Variants in PMEPA1 observed in about 807,000 individuals in gnomAD.
PMEPA1 encodes protein TMEPAI.
Under a neutral mutation model 23.0 loss-of-function variants are expected in PMEPA1, and 11 were observed. The ratio of observed to expected loss-of-function variants is 0.48; its 90% CI spans 0.30 to 0.79. PMEPA1 has a LOEUF of 0.79. Ranked by LOEUF, PMEPA1 falls within the 30% of genes least tolerant of loss-of-function variation. PMEPA1 has a pLI of 0.06. For missense variants in PMEPA1, 377 were observed against 390.9 expected, an observed-to-expected ratio of 0.96 and a Z score of 0.30; for synonymous variants, 204 against 166.4, an observed-to-expected ratio of 1.23 and a Z score of -1.74.
At chr20:57,653,402 G>A (rs2071282012) in intron 2 of PMEPA1, among the ~76,000 whole-genome samples, 1 of 152,162 alleles carries the variant, frequency 6.6e-6, no homozygotes, top group Admixed American at 6.5e-5. Flanking sequence ...GGCCTCAGTG[G>A]CTTCTCACCA....
At position 57,652,820 on chromosome 20, in the gene PMEPA1, G is replaced by GCGT. The variant is rs1476610978; in HGVS notation, c.318+210_318+212dup. On this transcript the variant is annotated intron_variant, in intron 3 of 3. Transcript: ENST00000341744. This position sits in a 1 kb window ranked among gnomAD's most constrained non-coding sequence, Gnocchi z 6.1. ...CACCGCCCTCCTCCAAACAGTGGCA[G>GCGT]CGTCCGTGCTCCCGTGTGCAGAGAG... is the stretch of plus-strand genomic sequence containing the variant. Among the ~76,000 whole-genome samples, 2 of 152,194 alleles carry GCGT rather than the reference G, an allele frequency of 1.3e-5. No individual in the cohort carries two copies. Among genetic ancestry groups the GCGT allele is most frequent in the East Asian group, 3.9e-4 (2 of 5,182 alleles).
At position 57,661,640 on chromosome 20, in the gene PMEPA1, C is replaced by A. The variant is rs187228546; in HGVS notation, c.110-1943G>T. Among the ~76,000 whole-genome samples, 23 of 152,274 alleles carry A rather than the reference C, an allele frequency of 1.5e-4. No individual in the cohort carries two copies. The East Asian group carries it at 3.3e-3, about 22-fold the overall frequency. On this transcript the variant is annotated intron_variant, in intron 1 of 3. Coordinates refer to ENST00000341744, the MANE Select transcript of PMEPA1 (RefSeq NM_020182.5). ...GGGGTGGGCAGGTGTCAGGTGGCAACTGGAGAAAAAACAGGCCGTGCAGAG... is the reference window on the plus strand; with the variant it reads ...GGGGTGGGCAGGTGTCAGGTGGCAAATGGAGAAAAAACAGGCCGTGCAGAG...
At chr20:57,674,161 C>A (rs1472716192) in intron 1 of PMEPA1, among the ~76,000 whole-genome samples, 1 of 152,114 alleles carries the variant, frequency 6.6e-6, no homozygotes, top group Non-Finnish European at 1.5e-5. Context: ...AAAGACGGAG[C>A]CTCTAGGGAA....
rs962118542 is a variant in PMEPA1, at chr20:57,656,421, G to C, written c.264+3122C>G. Among the ~76,000 whole-genome samples, 1 of 151,964 alleles carries C rather than the reference G, an allele frequency of 6.6e-6. No individual in the cohort carries two copies. Among genetic ancestry groups the C allele is most frequent in the African/African-American group, 2.4e-5 (1 of 41,422 alleles). Reference sequence around the variant, plus strand: ...CTGATTGGGGGATAAAGAGGACAAAGGGTCACCCCATCCAAGGCCTGAGTT... The same window carrying C: ...CTGATTGGGGGATAAAGAGGACAAACGGTCACCCCATCCAAGGCCTGAGTT... On this transcript the variant is annotated intron_variant, in intron 2 of 3. Coordinates refer to ENST00000341744, the MANE Select transcript of PMEPA1 (RefSeq NM_020182.5). This position sits in a 1 kb window ranked among gnomAD's most constrained non-coding sequence, Gnocchi z 4.7.
chr20:57,674,837 G>T (rs1232525417), intron 1 of PMEPA1, among the ~76,000 whole-genome samples: 2 of 152,162 alleles, frequency 1.3e-5, no homozygotes, highest in African/African-American at 4.8e-5. Flanking sequence ...GCGAGGGCAC[G>T]CAAATTCTAC....
intron 1 of PMEPA1, among the ~76,000 whole-genome samples, chr20:57,688,979 G>A (rs1038197122): frequency 6.6e-6 from 1 of 152,214 alleles, no homozygotes; most frequent in African/African-American, 2.4e-5. Flanking sequence ...CTGCCTCTGG[G>A]CCTTCGATCC....
rs2071189614 is a variant in PMEPA1 at position 57,649,268 on chromosome 20, T to A, written c.*2785A>T. On this transcript the variant is annotated 3_prime_UTR_variant, in exon 4 of 4. Transcript: ENST00000341744. Reference sequence around the variant, plus strand: ...TTCAAAGATAACGTGACAACTACCATCTAGAGGAAAGGGTGCACCCTCAGC... The same window carrying A: ...TTCAAAGATAACGTGACAACTACCAACTAGAGGAAAGGGTGCACCCTCAGC... 1 of 152,088 alleles carries A rather than the reference T, an allele frequency of 6.6e-6. No individual in the cohort carries two copies. The highest frequency in any genetic ancestry group is 2.4e-5 in the African/African-American group (1 of 41,398). 9.4% of individuals were successfully genotyped at this position (152,088 alleles called of 1,614,324 possible).
intron 1 of PMEPA1, among the ~76,000 whole-genome samples, chr20:57,697,859 A>G (rs2071960874): frequency 1.3e-5 from 2 of 152,238 alleles, no homozygotes; most frequent in African/African-American, 4.8e-5. Flanking sequence ...TAGGCAAAAT[A>G]AGTGGCACCA....
intron 1 of PMEPA1, among the ~76,000 whole-genome samples, chr20:57,673,966 C>T (rs1391399733): frequency 3.9e-5 from 6 of 152,230 alleles, no homozygotes; most frequent in Admixed American, 3.3e-4. Flanking sequence ...GTAAATGCCT[C>T]TCCCAAAGCC....
At chr20:57,703,816 T>C (rs1046494376) in intron 1 of PMEPA1, among the ~76,000 whole-genome samples, 1 of 152,104 alleles carries the variant, frequency 6.6e-6, no homozygotes, top group Non-Finnish European at 1.5e-5. Flanking sequence ...TCGAGTCCAA[T>C]CCGCCCCACC....
chr20:57,679,334 G>T (rs1375141166), intron 1 of PMEPA1, among the ~76,000 whole-genome samples: 1 of 152,226 alleles, frequency 6.6e-6, no homozygotes, highest in Non-Finnish European at 1.5e-5. Context: ...GGAGCTAGCT[G>T]CTTTGGGGCT....
chr20:57,697,498 A>G (rs2071956717), intron 1 of PMEPA1, among the ~76,000 whole-genome samples: 1 of 152,242 alleles, frequency 6.6e-6, no homozygotes, highest in Admixed American at 6.5e-5. Context: ...GTTACTGGCA[A>G]ATTTCTCCTC....
intron 1 of PMEPA1, among the ~76,000 whole-genome samples, chr20:57,685,531 G>A (rs765745486): frequency 1.4e-4 from 22 of 152,134 alleles, no homozygotes; most frequent in African/African-American, 4.1e-4. Context: ...GGCCTAAAAC[G>A]ATTTGTCAGA....
chr20:57,663,728 C>G (rs203378), intron 1 of PMEPA1, among the ~76,000 whole-genome samples: 65,646 of 152,070 alleles, frequency 0.43, 14,400 homozygotes, highest in East Asian at 0.53. Flanking sequence ...GAGGCCGGAA[C>G]CCAGACCCTC....
chr20:57,674,505 G>T (rs568997074), intron 1 of PMEPA1, among the ~76,000 whole-genome samples: 100 of 152,368 alleles, frequency 6.6e-4, no homozygotes, highest in Non-Finnish European at 9.7e-4. Context: ...GACAGACAGA[G>T]GGGGCTGAAC....
chr20:57,652,537 C>T lies in PMEPA1; in HGVS notation c.380G>A (p.Arg127Gln), dbSNP rs370013717. 6.4e-7 allele frequency: 1 copy of T among 1,553,200 alleles called. No individual in the cohort carries two copies. Among genetic ancestry groups the T allele is most frequent in the South Asian group, 1.2e-5 (1 of 81,156 alleles). Residue 127 changes from arginine (R) to glutamine (Q), a missense_variant, in exon 4 of 4, where the codon CGG becomes CAG. By Grantham distance (43) the Arg-to-Gln change is conservative. Around this residue, in one of 3 missense-constraint regions of PMEPA1, gnomAD observed 198 missense variants for 196.3 expected, o/e 1.01. Transcript: ENST00000341744. This position sits in a 1 kb window ranked among gnomAD's most constrained non-coding sequence, Gnocchi z 6.1. ...DRLAVPPFAQ[R>Q]ERFHRFQPTY... Reference sequence around the variant, plus strand: ...GGGCTGGAAGCGGTGGAAGCGCTCCCGCTGGGCGAAGGGCGGCACGGCCAG... The same window carrying T: ...GGGCTGGAAGCGGTGGAAGCGCTCCTGCTGGGCGAAGGGCGGCACGGCCAG...
intron 1 of PMEPA1, among the ~76,000 whole-genome samples, chr20:57,673,262 G>A (rs1014875411): frequency 7.2e-5 from 11 of 152,080 alleles, no homozygotes; most frequent in Admixed American, 3.3e-4. Context: ...GGTGGCCTGC[G>A]TCTACCCCAT....
intron 1 of PMEPA1, among the ~76,000 whole-genome samples, chr20:57,697,176 A>T (rs2071952733): frequency 4.6e-5 from 7 of 152,218 alleles, no homozygotes. Context: ...GGATTTCTGC[A>T]GCCCCACTAG....
intron 1 of PMEPA1, among the ~76,000 whole-genome samples, chr20:57,680,448 C>T (rs6064582): frequency 6.6e-6 from 1 of 152,194 alleles, no homozygotes; most frequent in East Asian, 1.9e-4. Context: ...GGGGAAGTAG[C>T]TAAACATCCA....
Sources: allele counts gnomAD v4.1 joint callset (sites outside exome capture counted in the v4.1 genomes callset), GRCh38; gene constraint gnomAD v4.1.1; regional missense constraint gnomAD v4.1.1; non-coding constraint Gnocchi (gnomAD v3.1); transcripts MANE v1.5; gene names NCBI Gene and HGNC (gene_info 2026-07-23, HGNC 2026-07-21).